EPHA6: variants seen among roughly 807,000 people sequenced by gnomAD.
The protein encoded by EPHA6 is EPH receptor A6.
EPHA6 carries 50 observed loss-of-function variants against 112.0 expected under a neutral mutation model. That is an observed-to-expected ratio of 0.45 (90% CI 0.36 to 0.56). The LOEUF (loss-of-function observed/expected upper bound fraction) is 0.56. Ranked by LOEUF, EPHA6 falls within the 20% of genes least tolerant of loss-of-function variation. EPHA6 has a pLI of 0.00. For synonymous variants in EPHA6, 529 were observed against 490.7 expected (o/e 1.08, Z -1.03); for missense variants, 1,280 against 1,417.4 (o/e 0.90, Z 1.56).
chr3:97,701,989 C>A (rs2033420897), intron 14 of EPHA6, among the ~76,000 whole-genome samples: 1 of 152,138 alleles, frequency 6.6e-6, no homozygotes, highest in Non-Finnish European at 1.5e-5. Context: ...GCAAGAGTAT[C>A]CTGCTCTGAC....
chr3:97,534,668 T>A (rs1238510677), intron 11 of EPHA6, among the ~76,000 whole-genome samples: 1 of 152,054 alleles, frequency 6.6e-6, no homozygotes, highest in Admixed American at 6.6e-5. Flanking sequence ...CCATAACACC[T>A]GGTAAAGATT....
chr3:97,650,255 G>C (rs1328745346), intron 14 of EPHA6, among the ~76,000 whole-genome samples: 2 of 152,042 alleles, frequency 1.3e-5, no homozygotes, highest in Non-Finnish European at 2.9e-5. Flanking sequence ...AATCTTAATG[G>C]TACTTGTCTG....
chr3:96,956,252 C>T (rs1284106524), intron 2 of EPHA6, among the ~76,000 whole-genome samples: 1 of 152,194 alleles, frequency 6.6e-6, no homozygotes, highest in African/African-American at 2.4e-5. Context: ...ATTCTCCCCT[C>T]TTCCAGTAAG....
At chr3:97,179,769 A>T (rs1206949076) in intron 3 of EPHA6, among the ~76,000 whole-genome samples, 1 of 128,106 alleles carries the variant, frequency 7.8e-6, no homozygotes, top group Non-Finnish European at 1.5e-5. Context: ...CTCCTGAACC[A>T]CTTAAAGCTG....
intron 2 of EPHA6, among the ~76,000 whole-genome samples, chr3:96,939,699 G>C (rs1031759273): frequency 1.3e-5 from 2 of 152,122 alleles, no homozygotes; most frequent in Non-Finnish European, 1.5e-5. Flanking sequence ...TGATGTTAGG[G>C]TGTCAATTTA....
rs200736539 is a variant in EPHA6 at position 97,039,563 on chromosome 3, G to A, written c.1114+51570G>A. Reference sequence around the variant, plus strand: ...GTCATGGAACTTTTTTTTTTAATTGGGAGAAAGTGGAATATTATGAGTATA... The same window carrying A: ...GTCATGGAACTTTTTTTTTTAATTGAGAGAAAGTGGAATATTATGAGTATA... On this transcript the variant is annotated intron_variant, in intron 3 of 17. Coordinates refer to ENST00000389672, the MANE Select transcript of EPHA6 (RefSeq NM_001080448.3). Among the ~76,000 whole-genome samples the A allele has an allele frequency of 2.6e-5, 4 of 151,654 alleles. No homozygotes were observed. The East Asian group carries it at 7.8e-4, about 29-fold the overall frequency.
intron 3 of EPHA6, among the ~76,000 whole-genome samples, chr3:97,197,877 G>A (rs1209313580): frequency 1.3e-5 from 2 of 152,132 alleles, no homozygotes; most frequent in Non-Finnish European, 2.9e-5. Context: ...TTCCTTTCTG[G>A]CTACAGTAGG....
chr3:97,743,552 G>A (rs1226086823), intron 16 of EPHA6, among the ~76,000 whole-genome samples: 1 of 152,018 alleles, frequency 6.6e-6, no homozygotes, highest in East Asian at 1.9e-4. Context: ...TCCACATATA[G>A]AATAGTATGC....
chr3:97,732,487 A>G (rs1428990935), intron 15 of EPHA6, among the ~76,000 whole-genome samples: 1 of 152,060 alleles, frequency 6.6e-6, no homozygotes, highest in Non-Finnish European at 1.5e-5. Flanking sequence ...TCCCTTGAAC[A>G]CAGAATGGTC....
At chr3:97,341,264 A>G (rs544530163) in intron 5 of EPHA6, among the ~76,000 whole-genome samples, 1 of 152,302 alleles carries the variant, frequency 6.6e-6, no homozygotes, top group Admixed American at 6.5e-5. Flanking sequence ...TTTAAAGGAA[A>G]GGGAAAGAAG....
At chr3:97,380,407 A>G (rs1453662089) in intron 5 of EPHA6, among the ~76,000 whole-genome samples, 2 of 152,172 alleles carry the variant, frequency 1.3e-5, no homozygotes, top group Non-Finnish European at 2.9e-5. Flanking sequence ...GTATACATAT[A>G]TGTACCTATG....
At chr3:97,742,109 G>A (rs894033961) in intron 16 of EPHA6, among the ~76,000 whole-genome samples, 4 of 152,052 alleles carry the variant, frequency 2.6e-5, no homozygotes, top group African/African-American at 9.7e-5. Context: ...TCTGTAGATT[G>A]AATTTTTCTG....
At position 97,448,664 on chromosome 3, in the gene EPHA6, C is replaced by T. The variant is rs769280010; in HGVS notation, c.1828C>T (p.Arg610Ter). 3.1e-6 allele frequency: 5 copies of T among 1,613,300 alleles called. No individual in the cohort carries two copies. Among genetic ancestry groups the T allele is most frequent in the African/African-American group, 2.7e-5 (2 of 74,830 alleles). ...KPATKYVFHI[R>*]VRTATGYSGY... is the part of the protein sequence containing the mutation. ...AGCCACCAAATATGTATTTCACATC[C>T]GAGTGAGAACTGCGACAGGATACAG... The change falls in exon 7 of 18, where the codon CGA becomes TGA. Residue 610 changes from arginine to a stop codon, truncating the protein, a stop_gained. Coordinates refer to ENST00000389672, the MANE Select transcript of EPHA6 (RefSeq NM_001080448.3). LOFTEE classifies it high-confidence loss of function.
At chr3:97,695,798 C>G (rs1449143667) in intron 14 of EPHA6, among the ~76,000 whole-genome samples, 26 of 152,188 alleles carry the variant, frequency 1.7e-4, no homozygotes, top group Admixed American at 1.7e-3. Flanking sequence ...TTCGGCCTCC[C>G]AAAGTGCTGG....
intron 3 of EPHA6, among the ~76,000 whole-genome samples, chr3:97,138,918 T>C (rs1487250119): frequency 1.3e-5 from 2 of 152,170 alleles, no homozygotes; most frequent in African/African-American, 4.8e-5. Context: ...CCTCTGGATT[T>C]GGGGTGTGAA....
intron 13 of EPHA6, among the ~76,000 whole-genome samples, chr3:97,616,971 A>G (rs1002757696): frequency 8.5e-5 from 13 of 152,160 alleles, no homozygotes; most frequent in African/African-American, 3.1e-4. Flanking sequence ...TCCTCAGGAC[A>G]CATAATCATC....
intron 10 of EPHA6, among the ~76,000 whole-genome samples, chr3:97,502,308 A>T (rs568731114): frequency 6.6e-6 from 1 of 151,326 alleles, no homozygotes; most frequent in African/African-American, 2.4e-5. Context: ...AGCTGGGACT[A>T]CAGGTGCACA....
At chr3:97,143,911 T>C (rs1303680307) in intron 3 of EPHA6, among the ~76,000 whole-genome samples, 3 of 151,624 alleles carry the variant, frequency 2.0e-5, no homozygotes, top group Non-Finnish European at 3.0e-5. Flanking sequence ...CAAAGGTTTT[T>C]AAAGGAAAAA....
chr3:97,555,352 T>C (rs531606296), intron 11 of EPHA6, among the ~76,000 whole-genome samples: 1,866 of 152,014 alleles, frequency 0.012, 41 homozygotes, highest in African/African-American at 0.042. Flanking sequence ...GGGTTGGTTC[T>C]AAGTCTTTGC....
Sources: gnomAD v4.1 joint callset for allele counts (sites outside exome capture counted in the v4.1 genomes callset) on GRCh38, gnomAD v4.1.1 for gene constraint, MANE v1.5 for transcripts, NCBI Gene and HGNC (gene_info 2026-07-23, HGNC 2026-07-21) for gene names.